NTRK3: variants seen among roughly 807,000 people sequenced by gnomAD.
NTRK3 encodes neurotrophic receptor tyrosine kinase 3, also known as NT-3 growth factor receptor.
NTRK3 carries 24 observed loss-of-function variants against 91.7 expected under a neutral mutation model. The observed-to-expected ratio is 0.26, with a 90% CI of 0.19 to 0.37. The LOEUF is 0.37. Ranked by LOEUF, NTRK3 falls within the 10% of genes least tolerant of loss-of-function variation. The probability of loss-of-function intolerance (pLI) is 1.00; values close to 1 mark genes in which losing one functional copy is unlikely to be tolerated. For synonymous variants in NTRK3, 483 were observed against 404.0 expected (o/e 1.20, Z -2.34); for missense variants, 880 against 1,068.9 (o/e 0.82, Z 2.46).
intron 3 of NTRK3, among the ~76,000 whole-genome samples, chr15:88,221,204 T>C (rs929033253): frequency 2.0e-5 from 3 of 152,184 alleles, no homozygotes; most frequent in Admixed American, 6.5e-5. Flanking sequence ...AAAAGTAAAG[T>C]CACTGGCAAT....
At chr15:87,947,009 T>G (rs8040205) in intron 14 of NTRK3, among the ~76,000 whole-genome samples, 80,480 of 150,894 alleles carry the variant, frequency 0.53, 22,480 homozygotes, top group African/African-American at 0.71. Context: ...CTCCCGAGTA[T>G]CTGGGATTTC....
intron 13 of NTRK3, among the ~76,000 whole-genome samples, chr15:88,064,621 T>G (rs533555595): frequency 6.6e-6 from 1 of 152,308 alleles, no homozygotes; most frequent in South Asian, 2.1e-4. Flanking sequence ...CTGGTTTCTA[T>G]GCCCATAGCT....
intron 13 of NTRK3, among the ~76,000 whole-genome samples, chr15:88,115,644 C>T (rs1360468115): frequency 1.2e-4 from 18 of 152,124 alleles, no homozygotes; most frequent in Non-Finnish European, 1.5e-5. Context: ...CTCGGCATTT[C>T]CAGGACTTAT....
At chr15:88,056,388 C>T (rs2045696938) in intron 13 of NTRK3, among the ~76,000 whole-genome samples, 1 of 151,816 alleles carries the variant, frequency 6.6e-6, no homozygotes, top group Admixed American at 6.6e-5. Flanking sequence ...GATAAAATTT[C>T]TCTATTTTTT....
chr15:88,113,356 C>T (rs2051653113), intron 13 of NTRK3, among the ~76,000 whole-genome samples: 1 of 126,812 alleles, frequency 7.9e-6, no homozygotes, highest in African/African-American at 3.3e-5. Context: ...CACTCCATTG[C>T]CCAGGCTGGA....
exon 19 of NTRK3, chr15:87,863,606 G>T: frequency 4.5e-6 from 1 of 220,282 alleles, no homozygotes; most frequent in East Asian, 6.6e-5. Context: ...CAGTTAATGC[G>T]TGCCAAAGTA....
At chr15:88,107,673 G>A (rs2050865042) in intron 13 of NTRK3, among the ~76,000 whole-genome samples, 2 of 152,066 alleles carry the variant, frequency 1.3e-5, no homozygotes, top group Admixed American at 6.6e-5. Context: ...GGAGCCCAAG[G>A]CCTATCCATT....
At chr15:87,896,543 C>T (rs10163131) in intron 17 of NTRK3, among the ~76,000 whole-genome samples, 108,773 of 151,478 alleles carry the variant, frequency 0.72, 39,127 homozygotes, top group African/African-American at 0.74. Context: ...AGTTTGACTC[C>T]ATTCATCGAC....
intron 3 of NTRK3, among the ~76,000 whole-genome samples, chr15:88,188,072 C>T (rs1297999929): frequency 6.6e-5 from 10 of 152,194 alleles, no homozygotes; most frequent in Non-Finnish European, 2.9e-5. Flanking sequence ...GGACATCTTA[C>T]AAACCCACTC....
At chr15:87,859,977 T>C (rs1437144467) in exon 19 of NTRK3, 3 of 194,198 alleles carry the variant, frequency 1.5e-5, no homozygotes, top group African/African-American at 6.9e-5. Context: ...CATGTGCATA[T>C]ACATACCTAT....
At chr15:87,989,141 T>C (rs546940377) in intron 14 of NTRK3, among the ~76,000 whole-genome samples, 1 of 152,330 alleles carries the variant, frequency 6.6e-6, no homozygotes, top group South Asian at 2.1e-4. Flanking sequence ...GATCCAGCCA[T>C]CCCATTACTG....
intron 14 of NTRK3, among the ~76,000 whole-genome samples, chr15:88,030,481 G>A (rs575180909): frequency 1.3e-5 from 2 of 152,148 alleles, no homozygotes; most frequent in Non-Finnish European, 2.9e-5. Context: ...TCTGGCAACT[G>A]TGCGGATAAC....
At chr15:88,206,657 C>CG (rs943264831) in intron 3 of NTRK3, among the ~76,000 whole-genome samples, 4 of 99,308 alleles carry the variant, frequency 4.0e-5, no homozygotes, top group Admixed American at 1.2e-4. Flanking sequence ...GACTCCGTCT[C>CG]GAAAAAAAAA....
At chr15:87,910,527 C>T (rs1422045232) in intron 17 of NTRK3, among the ~76,000 whole-genome samples, 1 of 152,114 alleles carries the variant, frequency 6.6e-6, no homozygotes, top group East Asian at 1.9e-4. Flanking sequence ...AGTGAACTCT[C>T]CAGGGGAGGC....
intron 15 of NTRK3, among the ~76,000 whole-genome samples, chr15:87,934,825 T>C (rs566051493): frequency 6.6e-6 from 1 of 152,268 alleles, no homozygotes; most frequent in African/African-American, 2.4e-5. Flanking sequence ...CAAAGTTCAG[T>C]AGCAATGCCT....
At chr15:88,152,932 T>C (rs2043527792) in intron 5 of NTRK3, among the ~76,000 whole-genome samples, 1 of 151,880 alleles carries the variant, frequency 6.6e-6, no homozygotes, top group Admixed American at 6.5e-5. Flanking sequence ...AGGGGCATAC[T>C]CAGTTTGCAT....
chr15:88,116,985 G>A (rs2052164709), intron 13 of NTRK3, among the ~76,000 whole-genome samples: 1 of 152,214 alleles, frequency 6.6e-6, no homozygotes, highest in African/African-American at 2.4e-5. Flanking sequence ...ATGACTTGGA[G>A]AGCCAGTGAA....
intron 17 of NTRK3, among the ~76,000 whole-genome samples, chr15:87,913,663 G>T (rs1235195961): frequency 6.6e-6 from 1 of 152,164 alleles, no homozygotes; most frequent in African/African-American, 2.4e-5. Flanking sequence ...AGCAACAAAA[G>T]GACTCATTTT....
At chr15:88,039,425 C>A (rs2079396233) in intron 13 of NTRK3, among the ~76,000 whole-genome samples, 1 of 152,106 alleles carries the variant, frequency 6.6e-6, no homozygotes, top group South Asian at 2.1e-4. Context: ...GGATTTTATT[C>A]TTCCAACCAT....
Sources: gnomAD v4.1 joint callset for allele counts (sites outside exome capture counted in the v4.1 genomes callset) on GRCh38, gnomAD v4.1.1 for gene constraint, MANE v1.5 for transcripts, NCBI Gene and HGNC (gene_info 2026-07-23, HGNC 2026-07-21) for gene names.